The following PDP1 variants were observed in gnomAD, a reference collection of about 807,000 sequenced individuals.
PDP1 encodes pyruvate dehydrogenase phosphatase catalytic subunit 1.
In PDP1, 14 loss-of-function variants were observed where a neutral mutation model predicts 37.1. That is an observed-to-expected ratio of 0.38 (90% CI 0.25 to 0.59). PDP1 has a LOEUF of 0.59. Ranked by LOEUF, PDP1 falls within the 20% of genes least tolerant of loss-of-function variation. The pLI, the probability that PDP1 is intolerant of heterozygous loss-of-function variation, is 0.67. For missense variants in PDP1, 544 were observed against 655.3 expected, an observed-to-expected ratio of 0.83 and a Z score of 1.85; for synonymous variants, 251 against 243.3, an observed-to-expected ratio of 1.03 and a Z score of -0.29.
chr8:93,920,542 C>A, intron 1 of PDP1: 1 of 939,364 alleles, frequency 1.1e-6, no homozygotes, highest in Non-Finnish European at 1.3e-6. Flanking sequence ...TTTTCTTGCC[C>A]AAATTATCTA....
Position 93,922,024 on chromosome 8 carries a change from G to T in PDP1, c.-36G>T. ...TCTAATTTGCTGTCTAGGAATCCCA[G>T]TCAGAAGTTCCAGCCTGCCACTGTT... On this transcript the variant is annotated 5_prime_UTR_variant, in exon 2 of 2. Coordinates refer to ENST00000297598, the MANE Select transcript of PDP1 (RefSeq NM_018444.4). This position sits in a 1 kb window ranked among gnomAD's most constrained non-coding sequence, Gnocchi z 4.0. 1 of 1,587,330 alleles carries T rather than the reference G, an allele frequency of 6.3e-7. No homozygotes were observed. The highest frequency in any genetic ancestry group is 8.6e-7 in the Non-Finnish European group (1 of 1,162,852).
chr8:93,921,913 T>C, intron 1 of PDP1, 103 bp from the exon 2 acceptor site: 1 of 760,688 alleles, frequency 1.3e-6, no homozygotes, highest in Non-Finnish European at 2.1e-6. Context: ...AGGCTTAACA[T>C]GTAGATTGAC....
At chr8:93,917,971 T>C (rs1203734100) in intron 1 of PDP1, 8 of 1,613,556 alleles carry the variant, frequency 5.0e-6, no homozygotes, top group Non-Finnish European at 6.8e-6. Flanking sequence ...ACTACCTGCG[T>C]TGGGTACCCA....
chr8:93,921,979 C>T (rs1450596162), intron 1 of PDP1, 37 bp from the exon 2 acceptor site: 1 of 1,396,422 alleles, frequency 7.2e-7, no homozygotes, highest in Non-Finnish European at 9.8e-7. Context: ...AAATGTAACT[C>T]TTTCCTTTGT....
intron 1 of PDP1, 67 bp from the exon 2 acceptor site, chr8:93,921,949 A>G (rs997282450): frequency 2.0e-5 from 23 of 1,154,628 alleles, no homozygotes; most frequent in Non-Finnish European, 2.9e-5. Context: ...TATAAAGGCA[A>G]AGCTAGATTA....
chr8:93,920,925 A>G, intron 1 of PDP1: 2 of 980,992 alleles, frequency 2.0e-6, no homozygotes, highest in Non-Finnish European at 2.4e-6. Context: ...GGTTAATTCT[A>G]CTTTGGATCC....
At position 93,922,989 on chromosome 8, in the gene PDP1, G is replaced by A; in HGVS notation, c.930G>A (p.Leu310=). ...ACGGCTCATGGTCAGCAGTCACGCT[G>A]TCTAATGACCACAATGCTCAAAATG... ...EEDGSWSAVT[L]SNDHNAQNER... The change falls in exon 2 of 2, where the codon CTG becomes CTA. Residue 310 remains leucine (L), a synonymous_variant. Transcript: ENST00000297598. The surrounding 1 kb of genome is among the most constrained non-coding windows in gnomAD (Gnocchi z 4.0). 6.2e-7 allele frequency: 1 copy of A among 1,614,176 alleles called. No homozygotes were observed. The highest frequency in any genetic ancestry group is 8.5e-7 in the Non-Finnish European group (1 of 1,180,044).
intron 1 of PDP1, among the ~76,000 whole-genome samples, chr8:93,918,487 CG>C (rs1810157449): frequency 6.6e-6 from 1 of 152,142 alleles, no homozygotes; most frequent in Admixed American, 6.5e-5. Flanking sequence ...TAAGAATGGA[CG>C]GCTCTCTTTC....
Position 93,923,055 on chromosome 8 carries a change from T to G in PDP1, c.996T>G (p.Ser332Arg). Residue 332 changes from serine (S) to arginine (R), a missense_variant, in exon 2 of 2, where the codon AGT becomes AGG. Transcript: ENST00000297598. This position sits in a 1 kb window ranked among gnomAD's most constrained non-coding sequence, Gnocchi z 4.3. ...LERLKLEHPKSEAKSVVKQDR... is the reference protein window; with the variant it reads ...LERLKLEHPKREAKSVVKQDR... ...GGCTGAAATTGGAACATCCAAAGAG[T>G]GAGGCCAAGAGTGTCGTGAAACAGG... is the stretch of plus-strand genomic sequence containing the variant. The G allele has an allele frequency of 1.2e-6, 2 of 1,614,062 alleles. No individual in the cohort carries two copies. The highest frequency in any genetic ancestry group is 8.5e-7 in the Non-Finnish European group (1 of 1,180,004).
rs779817145 is a variant in PDP1 at position 93,923,488 on chromosome 8, A to G, written c.1429A>G (p.Asn477Asp). The change falls in exon 2 of 2, where the codon AAC becomes GAC. Residue 477 changes from asparagine to aspartate, a missense_variant. Physicochemically the swap from Asn to Asp is conservative, Grantham distance 23. This residue lies in a region of PDP1 where 159 missense variants were observed against 165.5 expected (regional missense o/e 0.96). Coordinates refer to ENST00000297598, the MANE Select transcript of PDP1 (RefSeq NM_018444.4). This position sits in a 1 kb window ranked among gnomAD's most constrained non-coding sequence, Gnocchi z 4.3. Reference sequence around the variant, plus strand: ...AATGTCCTCGGTATTTGAGGATCAGAACGCAGCAACCCATCTCATTCGCCA... The same window carrying G: ...AATGTCCTCGGTATTTGAGGATCAGGACGCAGCAACCCATCTCATTCGCCA... ...TKMSSVFEDQ[N>D]AATHLIRHAV... The G allele has an allele frequency of 6.2e-7, 1 of 1,604,972 alleles. No individual in the cohort carries two copies. Among genetic ancestry groups the G allele is most frequent in the South Asian group, 1.1e-5 (1 of 90,792 alleles).
At chr8:93,921,340 A>C (rs1810262576) in intron 1 of PDP1, 1 of 985,304 alleles carries the variant, frequency 1.0e-6, no homozygotes, top group Non-Finnish European at 1.2e-6. Context: ...TAGAGAAGCA[A>C]GTTTTGCAAG....
At chr8:93,918,051 T>C (rs1810141012) in intron 1 of PDP1, 1 of 1,285,792 alleles carries the variant, frequency 7.8e-7, no homozygotes, top group Admixed American at 2.1e-5. Flanking sequence ...AGGGATGAGA[T>C]AGATTGGAAA....
rs187146205 is a variant in PDP1 at position 93,919,724 on chromosome 8, T to C, written c.-44-2292T>C. Among the ~76,000 whole-genome samples the C allele has an allele frequency of 3.2e-3, 477 of 150,750 alleles. 1 individual carries two copies. The highest frequency in any genetic ancestry group is 4.7e-3 in the Admixed American group (71 of 15,122). The stretch of plus-strand genomic sequence containing the variant: ...TTTAAAGAAAGAGCAAATGCAGTCA[T>C]AAAATTATGAAGAAAAATTCATTAA... On this transcript the variant is annotated intron_variant, in intron 1 of 1. Coordinates refer to ENST00000297598, the MANE Select transcript of PDP1 (RefSeq NM_018444.4).
intron 1 of PDP1, chr8:93,920,684 A>G (rs1351207222): frequency 1.1e-6 from 1 of 912,254 alleles, no homozygotes; most frequent in Non-Finnish European, 1.3e-6. Context: ...ACCTTAGACT[A>G]TTATTTGACT....
intron 1 of PDP1, chr8:93,919,831 C>A (rs1054307075): frequency 2.6e-5 from 4 of 152,096 alleles, no homozygotes; most frequent in African/African-American, 9.7e-5. Flanking sequence ...TGCACGCAAA[C>A]CTAAAAAGAG....
intron 1 of PDP1, chr8:93,917,699 C>T (rs938590363): frequency 1.1e-5 from 11 of 1,007,566 alleles, no homozygotes; most frequent in Admixed American, 6.9e-5. Context: ...CTTGTTCTCT[C>T]CACCCCTTTA....
At position 93,923,202 on chromosome 8, in the gene PDP1, T is replaced by C. The variant is rs752624152; in HGVS notation, c.1143T>C (p.Tyr381=). Reference sequence around the variant, plus strand: ...CAGACCAGTTGAATGACAATGAATATACCAAGTTTATTCCTCCTAATTATC... The same window carrying C: ...CAGACCAGTTGAATGACAATGAATACACCAAGTTTATTCCTCCTAATTATC... ...SGPDQLNDNE[Y]TKFIPPNYHT... The change falls in exon 2 of 2, where the codon TAT becomes TAC. Residue 381 remains tyrosine (Y), a synonymous_variant. Transcript: ENST00000297598. This position sits in a 1 kb window ranked among gnomAD's most constrained non-coding sequence, Gnocchi z 4.3. 9 of 1,613,174 alleles carry C rather than the reference T, an allele frequency of 5.6e-6. No homozygotes were observed. The South Asian group carries it at 9.9e-5, about 18-fold the overall frequency.
chr8:93,924,029 A>C lies in PDP1; in HGVS notation c.*356A>C, dbSNP rs1810369221. On this transcript the variant is annotated 3_prime_UTR_variant, in exon 2 of 2. Coordinates refer to ENST00000297598, the MANE Select transcript of PDP1 (RefSeq NM_018444.4). Reference sequence around the variant, plus strand: ...TCTTGCTGTGTGTAGTCTCTTGGTTAAAGTGAAGAAACAGTACTGTTCACA... The same window carrying C: ...TCTTGCTGTGTGTAGTCTCTTGGTTCAAGTGAAGAAACAGTACTGTTCACA... 1 of 325,696 alleles carries C rather than the reference A, an allele frequency of 3.1e-6. No homozygotes were observed. Among genetic ancestry groups the C allele is most frequent in the East Asian group, 7.8e-5 (1 of 12,776 alleles). The allele number at this position is 325,696 out of a possible 1,614,324, so 20.2% of individuals were successfully genotyped here. A position where few individuals can be genotyped will look rare whatever the true frequency, so the allele number is the denominator to read the frequency against.
chr8:93,923,556 CCT>C lies in PDP1; in HGVS notation c.1502_1503del (p.Ser501Ter). 2 of 1,612,610 alleles carry C rather than the reference CCT, an allele frequency of 1.2e-6. No homozygotes were observed. The highest frequency in any genetic ancestry group is 1.7e-6 in the Non-Finnish European group (2 of 1,178,636). Reference protein sequence around the residue: ...NEFGTVDHERLSKMLSLPEEL... With the variant: ...NEFGTVDHERXSKMLSLPEEL... ...AGTTTGGGACTGTTGATCATGAGCG[CCT>C]CTCTAAAATGCTTAGTCTTCCTGAA... On this transcript the variant is annotated frameshift_variant, in exon 2 of 2. Transcript: ENST00000297598. LOFTEE classifies it high-confidence loss of function. The surrounding 1 kb of genome is among the most constrained non-coding windows in gnomAD (Gnocchi z 4.3).
Sources: allele counts gnomAD v4.1 joint callset (sites outside exome capture counted in the v4.1 genomes callset), GRCh38; gene constraint gnomAD v4.1.1; regional missense constraint gnomAD v4.1.1; non-coding constraint Gnocchi (gnomAD v3.1); transcripts MANE v1.5; gene names NCBI Gene and HGNC (gene_info 2026-07-23, HGNC 2026-07-21).